The following GRIK2 variants were observed in gnomAD, a reference collection of about 807,000 sequenced individuals.
GRIK2 encodes the protein glutamate ionotropic receptor kainate type subunit 2.
GRIK2 carries 32 observed loss-of-function variants against 100.3 expected under a neutral mutation model. The observed-to-expected ratio is 0.32, with a 90% confidence interval of 0.24 to 0.43. The LOEUF is 0.43. Among genes scored for constraint, GRIK2 ranks in the 20% least tolerant of loss-of-function variants. The probability of loss-of-function intolerance (pLI) is 1.00; values close to 1 mark genes in which losing one functional copy is unlikely to be tolerated. For missense variants in GRIK2, 843 were observed against 1,114.9 expected (o/e 0.76, Z 3.47); for synonymous variants, 417 against 389.4 (o/e 1.07, Z -0.83).
At chr6:101,549,714 T>G (rs1038321831) in intron 2 of GRIK2, among the ~76,000 whole-genome samples, 2 of 152,160 alleles carry the variant, frequency 1.3e-5, no homozygotes, top group South Asian at 2.1e-4. Context: ...TTTTTTGACT[T>G]AAGTTAAAAC....
chr6:102,048,926 A>C (rs1771035481), intron 15 of GRIK2, among the ~76,000 whole-genome samples: 1 of 152,110 alleles, frequency 6.6e-6, no homozygotes, highest in Non-Finnish European at 1.5e-5. Flanking sequence ...CATATGAAAA[A>C]AAAGCAATAC....
At chr6:101,489,632 A>G (rs1773003186) in intron 2 of GRIK2, among the ~76,000 whole-genome samples, 1 of 145,908 alleles carries the variant, frequency 6.9e-6, no homozygotes, top group African/African-American at 2.6e-5. Flanking sequence ...AAATTTTTTT[A>G]GGGGCTGTTG....
At chr6:101,486,631 C>G (rs1352272214) in intron 2 of GRIK2, among the ~76,000 whole-genome samples, 1 of 152,138 alleles carries the variant, frequency 6.6e-6, no homozygotes, top group African/African-American at 2.4e-5. Flanking sequence ...TTTATTGAAA[C>G]TAAAAGTGGC....
intron 2 of GRIK2, among the ~76,000 whole-genome samples, chr6:101,529,332 A>T (rs1429460424): frequency 6.6e-6 from 1 of 152,054 alleles, no homozygotes; most frequent in Non-Finnish European, 1.5e-5. Context: ...TTCTCACCCG[A>T]TAATTCCATT....
At chr6:101,430,788 G>A (rs559816313) in intron 2 of GRIK2, 5 of 244,738 alleles carry the variant, frequency 2.0e-5, no homozygotes, top group Non-Finnish European at 3.6e-5. Flanking sequence ...CAGGGAGGAA[G>A]AGGATGCCAT....
chr6:101,860,391 C>T (rs1562445395), intron 11 of GRIK2, among the ~76,000 whole-genome samples: 1 of 151,900 alleles, frequency 6.6e-6, no homozygotes, highest in African/African-American at 2.4e-5. Context: ...TATATTTTCC[C>T]CAATGGGATA....
At position 102,050,648 on chromosome 6, in the gene GRIK2, T is replaced by TAA. The variant is rs146553452; in HGVS notation, c.2312-4664_2312-4663dup. Among the ~76,000 whole-genome samples the TAA allele has an allele frequency of 6.4e-3, 276 of 43,222 alleles. 2 individuals are homozygous for TAA. Among genetic ancestry groups the TAA allele is most frequent in the African/African-American group, 0.021 (224 of 10,864 alleles). 28.4% of individuals were successfully genotyped at this position (43,222 alleles called of 152,430 possible). On this transcript the variant is annotated intron_variant, in intron 15 of 16. Coordinates refer to ENST00000369134, the MANE Select transcript of GRIK2 (RefSeq NM_021956.5). ...TGGGCGACAAGAGCAAAACTCGGTC[T>TAA]AAAAAAAAAAAAAAAAAAACGGAAT...
chr6:101,588,196 T>C (rs1044680711), intron 2 of GRIK2, among the ~76,000 whole-genome samples: 4 of 151,944 alleles, frequency 2.6e-5, no homozygotes, highest in East Asian at 1.9e-4. Context: ...ATGAAGCTAA[T>C]AGAGTGGAGG....
chr6:102,011,458 AT>A (rs1303118565), intron 14 of GRIK2, among the ~76,000 whole-genome samples: 3 of 141,740 alleles, frequency 2.1e-5, no homozygotes, highest in Admixed American at 1.4e-4. Flanking sequence ...TTTTGCAAAT[AT>A]TTTTTTCCCA....
chr6:101,508,093 A>ATT (rs11441814), intron 2 of GRIK2, among the ~76,000 whole-genome samples: 18 of 149,592 alleles, frequency 1.2e-4, no homozygotes, highest in African/African-American at 2.7e-4. Context: ...GATTATTATT[A>ATT]TTTTTTTTTT....
intron 2 of GRIK2, among the ~76,000 whole-genome samples, chr6:101,454,759 C>T (rs1289499461): frequency 6.6e-6 from 1 of 152,032 alleles, no homozygotes; most frequent in Non-Finnish European, 1.5e-5. Flanking sequence ...TTCAGTGAGG[C>T]ATAAATCTTA....
At chr6:101,463,480 T>C (rs1223488774) in intron 2 of GRIK2, among the ~76,000 whole-genome samples, 1 of 152,172 alleles carries the variant, frequency 6.6e-6, no homozygotes, top group Non-Finnish European at 1.5e-5. Context: ...AAATTGTATT[T>C]TTATTCCAAT....
chr6:101,689,194 C>T (rs1771918356), intron 7 of GRIK2, among the ~76,000 whole-genome samples: 1 of 151,968 alleles, frequency 6.6e-6, no homozygotes, highest in East Asian at 1.9e-4. Context: ...GAATTATAGC[C>T]TGGCATTGTG....
chr6:101,953,501 C>A (rs1791727497), intron 14 of GRIK2, among the ~76,000 whole-genome samples: 1 of 152,114 alleles, frequency 6.6e-6, no homozygotes, highest in African/African-American at 2.4e-5. Context: ...ATTTGTACTT[C>A]CCTGATAGCT....
At chr6:101,655,658 T>A (rs1782021523) in intron 4 of GRIK2, among the ~76,000 whole-genome samples, 2 of 152,198 alleles carry the variant, frequency 1.3e-5, no homozygotes, top group Admixed American at 1.3e-4. Flanking sequence ...TTTTATTTTC[T>A]TTTTAAAATG....
chr6:101,714,600 AC>A (rs1372678662), intron 7 of GRIK2, among the ~76,000 whole-genome samples: 1 of 151,724 alleles, frequency 6.6e-6, no homozygotes, highest in Admixed American at 6.6e-5. Flanking sequence ...TTCACACACA[AC>A]TGCTGGTTTG....
chr6:101,848,277 A>G (rs530879423), intron 10 of GRIK2, among the ~76,000 whole-genome samples: 2 of 152,094 alleles, frequency 1.3e-5, no homozygotes, highest in South Asian at 4.2e-4. Context: ...TTTTTATTCA[A>G]TTCTAGAGTT....
At chr6:101,623,221 C>T (rs1013866379) in intron 3 of GRIK2, among the ~76,000 whole-genome samples, 5 of 151,912 alleles carry the variant, frequency 3.3e-5, no homozygotes, top group Admixed American at 1.3e-4. Context: ...CAGTATTTCT[C>T]GAGATGAAAG....
chr6:101,529,463 TA>T (rs1213309304), intron 2 of GRIK2, among the ~76,000 whole-genome samples: 3 of 152,068 alleles, frequency 2.0e-5, no homozygotes. Flanking sequence ...ATTTACTTAC[TA>T]GATAATTTAG....
Sources: gnomAD v4.1 joint callset for allele counts (sites outside exome capture counted in the v4.1 genomes callset) on GRCh38, gnomAD v4.1.1 for gene constraint, MANE v1.5 for transcripts, NCBI Gene and HGNC (gene_info 2026-07-23, HGNC 2026-07-21) for gene names.